The following SORBS2 variants were observed in gnomAD, a reference collection of about 807,000 sequenced individuals.
The protein encoded by SORBS2 is sorbin and SH3 domain-containing protein 2.
A neutral mutation model predicts 97.7 loss-of-function variants in SORBS2; 46 were observed. The observed-to-expected ratio is 0.47, with a 90% CI of 0.37 to 0.60. The LOEUF is 0.60. SORBS2 is among the 20% of genes least tolerant of loss of function. SORBS2 has a pLI of 0.00. For synonymous variants in SORBS2, 476 were observed against 473.4 expected, an observed-to-expected ratio of 1.01 and a Z score of -0.07; for missense variants, 1,316 against 1,282.3, an observed-to-expected ratio of 1.03 and a Z score of -0.40.
chr4:185,652,006 G>T (rs533142526), intron 2 of SORBS2, among the ~76,000 whole-genome samples, 178 bp from the exon 11 acceptor site: 1 of 150,940 alleles, frequency 6.6e-6, no homozygotes, highest in African/African-American at 2.4e-5. Context: ...TTACCCTGTC[G>T]TCCAGTCTGG....
chr4:185,838,202 G>A (rs956092240), intron 1 of SORBS2, among the ~76,000 whole-genome samples: 17 of 152,222 alleles, frequency 1.1e-4, no homozygotes, highest in African/African-American at 3.1e-4. Context: ...GGCTGGCCCC[G>A]CCCACAGGCC....
intron 1 of SORBS2, among the ~76,000 whole-genome samples, chr4:185,901,703 T>G (rs1025191469): frequency 6.6e-6 from 1 of 152,224 alleles, no homozygotes; most frequent in Admixed American, 6.5e-5. Context: ...TGCTAAATTA[T>G]TCTCATTAAG....
At chr4:185,841,569 C>G (rs555195834) in intron 1 of SORBS2, among the ~76,000 whole-genome samples, 1 of 152,248 alleles carries the variant, frequency 6.6e-6, no homozygotes, top group African/African-American at 2.4e-5. Context: ...ATGCGGAAGA[C>G]AGAAGAAAAG....
At chr4:185,717,962 C>T (rs904787496) in intron 2 of SORBS2, among the ~76,000 whole-genome samples, 2 of 152,090 alleles carry the variant, frequency 1.3e-5, no homozygotes, top group African/African-American at 4.8e-5. Flanking sequence ...TATGTATGGC[C>T]GGGCGCAGTG....
chr4:185,691,957 C>T (rs905507192), intron 2 of SORBS2, among the ~76,000 whole-genome samples: 1 of 152,188 alleles, frequency 6.6e-6, no homozygotes, highest in Non-Finnish European at 1.5e-5. Flanking sequence ...CCATGTTAGC[C>T]AGGATGGCTA....
In SORBS2 at chr4:185,898,400, G is replaced by A. The variant is rs139837222; in HGVS notation, c.-338+57796C>T. On this transcript the variant is annotated intron_variant, in intron 1 of 20. Coordinates refer to the SORBS2 transcript ENST00000284776. ...TAAGAAAGGCTCAAACTAGCACCAT[G>A]TCTGTAAGGAAGAAAAGAAAGGGAA... Among the ~76,000 whole-genome samples the A allele has an allele frequency of 2.2e-3, 329 of 152,308 alleles. 1 individual carries two copies. Among genetic ancestry groups the A allele is most frequent in the African/African-American group, 7.6e-3 (314 of 41,570 alleles).
At chr4:185,706,292 A>G (rs2098340350) in intron 2 of SORBS2, among the ~76,000 whole-genome samples, 1 of 152,236 alleles carries the variant, frequency 6.6e-6, no homozygotes, top group African/African-American at 2.4e-5. Flanking sequence ...AATTCTCAGT[A>G]CATGGGCTGT....
chr4:185,755,305 A>C (rs1261935797), intron 2 of SORBS2, among the ~76,000 whole-genome samples: 1 of 152,256 alleles, frequency 6.6e-6, no homozygotes, highest in African/African-American at 2.4e-5. Flanking sequence ...CACTGAAAAG[A>C]GTTGACTAGT....
chr4:185,698,702 CAT>C (rs1441340379), intron 2 of SORBS2, among the ~76,000 whole-genome samples: 1 of 152,094 alleles, frequency 6.6e-6, no homozygotes, highest in Admixed American at 6.6e-5. Context: ...AACATAGAAC[CAT>C]ATGTTTCTTC....
chr4:185,820,106 C>G (rs6815732), intron 1 of SORBS2, among the ~76,000 whole-genome samples: 1 of 152,136 alleles, frequency 6.6e-6, no homozygotes, highest in Non-Finnish European at 1.5e-5. Flanking sequence ...ACCTCCGGGA[C>G]CTTCCAATAC....
intron 2 of SORBS2, among the ~76,000 whole-genome samples, chr4:185,734,918 T>G (rs965327713): frequency 6.6e-6 from 1 of 152,242 alleles, no homozygotes; most frequent in Admixed American, 6.5e-5. Flanking sequence ...GGCAACAATC[T>G]TCTGTTGCAG....
Position 185,794,951 on chromosome 4 carries a change from C to T in SORBS2, c.-337-19585G>A, listed in dbSNP as rs373228277. Among the ~76,000 whole-genome samples, 36 of 152,240 alleles carry T rather than the reference C, an allele frequency of 2.4e-4. No individual in the cohort carries two copies. In the East Asian group the frequency reaches 6.4e-3, roughly 27 times the overall value. Reference sequence around the variant, plus strand: ...TCCCAGCAGCAATACCCCACAGTAACTCAAAGTCATTAATCATCTCACTAA... The same window carrying T: ...TCCCAGCAGCAATACCCCACAGTAATTCAAAGTCATTAATCATCTCACTAA... On this transcript the variant is annotated intron_variant, in intron 1 of 20. Transcript: ENST00000284776.
chr4:185,894,557 C>T (rs2099244074), intron 1 of SORBS2, among the ~76,000 whole-genome samples: 1 of 152,190 alleles, frequency 6.6e-6, no homozygotes, highest in African/African-American at 2.4e-5. Context: ...TCACATGTTA[C>T]ACTGAAGACT....
chr4:185,862,711 G>A (rs1324700526), intron 1 of SORBS2, among the ~76,000 whole-genome samples: 2 of 152,208 alleles, frequency 1.3e-5, no homozygotes, highest in Non-Finnish European at 2.9e-5. Context: ...AATGTTCCAC[G>A]TTACATGATC....
At chr4:185,723,964 G>A (rs2098536693) in intron 2 of SORBS2, among the ~76,000 whole-genome samples, 1 of 152,152 alleles carries the variant, frequency 6.6e-6, no homozygotes, top group South Asian at 2.1e-4. Context: ...TAACTAAGAA[G>A]CAACCCTTCT....
At chr4:185,712,410 C>T (rs537568861) in intron 2 of SORBS2, among the ~76,000 whole-genome samples, 35 of 152,326 alleles carry the variant, frequency 2.3e-4, no homozygotes, top group African/African-American at 8.2e-4. Flanking sequence ...AATAAAATCC[C>T]CCACATTTAT....
At chr4:185,881,653 AG>A (rs960001847) in intron 1 of SORBS2, among the ~76,000 whole-genome samples, 3 of 152,174 alleles carry the variant, frequency 2.0e-5, no homozygotes, top group African/African-American at 7.2e-5. Context: ...TATTCATCCA[AG>A]CAAAAATGCC....
rs567741918 is a variant in SORBS2 at position 185,940,510 on chromosome 4, C to T, written c.-338+15686G>A. Among the ~76,000 whole-genome samples, 9 of 152,250 alleles carry T rather than the reference C, an allele frequency of 5.9e-5. No homozygotes were observed. In the South Asian group the frequency reaches 1.9e-3, roughly 32 times the overall value. On this transcript the variant is annotated intron_variant, in intron 1 of 20. Coordinates refer to the SORBS2 transcript ENST00000284776. Reference sequence around the variant, plus strand: ...CCCCCCTCATCTCTCACTGGACTTGCATTCCGCTCCACACCAGCTTTCCTG... The same window carrying T: ...CCCCCCTCATCTCTCACTGGACTTGTATTCCGCTCCACACCAGCTTTCCTG...
At chr4:185,890,948 T>TTGAATGAATGAATGAA (rs10526809) in intron 1 of SORBS2, among the ~76,000 whole-genome samples, 1,762 of 151,754 alleles carry the variant, frequency 0.012, 29 homozygotes, top group Middle Eastern at 0.066. Context: ...ATAGTAAATA[T>TTGAATGAATGAATGAA]TGAATGAATG....
Sources: gnomAD v4.1 joint callset for allele counts (sites outside exome capture counted in the v4.1 genomes callset) on GRCh38, gnomAD v4.1.1 for gene constraint, MANE v1.5 for transcripts, NCBI Gene and HGNC (gene_info 2026-07-23, HGNC 2026-07-21) for gene names.